CATSPERT: variants seen among roughly 807,000 people sequenced by gnomAD.
CATSPERT encodes catsper channel auxiliary subunit tau, also known as cation channel sperm-associated targeting subunit tau.
chr2:201,515,210 T>G, the CATSPERT span, among the ~76,000 whole-genome samples: 5 of 16,774 alleles, frequency 3.0e-4, no homozygotes, highest in South Asian at 2.9e-3. Context: ...TAGTTTTTTT[T>G]TTTTTTTTTT....
chr2:201,615,400 A>T, the CATSPERT span, among the ~76,000 whole-genome samples: 1 of 152,214 alleles, frequency 6.6e-6, no homozygotes, highest in Non-Finnish European at 1.5e-5. Context: ...GGATTAAGAA[A>T]CTCTCTCAAA....
the CATSPERT span, chr2:201,550,666 G>A: frequency 9.4e-4 from 143 of 152,226 alleles, 1 homozygote; most frequent in African/African-American, 3.3e-3. Context: ...AGTGTAACTT[G>A]TATTAAAGCA....
the CATSPERT span, among the ~76,000 whole-genome samples, chr2:201,598,633 G>C: frequency 6.8e-4 from 103 of 152,114 alleles, no homozygotes; most frequent in Non-Finnish European, 1.3e-4. Flanking sequence ...CCAGGCTGGA[G>C]TGCAGTAGTG....
the CATSPERT span, among the ~76,000 whole-genome samples, chr2:201,594,530 T>A: frequency 6.6e-6 from 1 of 152,220 alleles, no homozygotes; most frequent in Non-Finnish European, 1.5e-5. Context: ...TGGCCTGCCT[T>A]GCTAGATTGG....
the CATSPERT span, among the ~76,000 whole-genome samples, chr2:201,513,682 G>A: frequency 6.6e-6 from 1 of 152,116 alleles, no homozygotes; most frequent in Admixed American, 6.5e-5. Context: ...GTCAACCTAG[G>A]TGCCCATCAA....
the CATSPERT span, among the ~76,000 whole-genome samples, chr2:201,533,409 A>G: frequency 0.61 from 93,269 of 152,044 alleles, 30,387 homozygotes; most frequent in East Asian, 0.95. Flanking sequence ...CTTCAGAATT[A>G]CTATGGTCAA....
chr2:201,503,180 C>G, the CATSPERT span, among the ~76,000 whole-genome samples: 1 of 151,934 alleles, frequency 6.6e-6, no homozygotes, highest in East Asian at 1.9e-4. Flanking sequence ...GGATCTTTTT[C>G]TATTATTTGA....
At chr2:201,581,009 C>T in the CATSPERT span, among the ~76,000 whole-genome samples, 1 of 152,154 alleles carries the variant, frequency 6.6e-6, no homozygotes, top group Non-Finnish European at 1.5e-5. Context: ...TAAGACATTT[C>T]AGAAACATAA....
chr2:201,550,648 C>A, the CATSPERT span: 1 of 152,168 alleles, frequency 6.6e-6, no homozygotes, highest in Non-Finnish European at 1.5e-5. Flanking sequence ...AATCTCTATA[C>A]AATGATTAGT....
At chr2:201,588,354 A>G in the CATSPERT span, among the ~76,000 whole-genome samples, 1 of 151,990 alleles carries the variant, frequency 6.6e-6, no homozygotes, top group Non-Finnish European at 1.5e-5. Flanking sequence ...CAAATCAATA[A>G]ATGTGATCAA....
At chr2:201,546,303 T>C in the CATSPERT span, among the ~76,000 whole-genome samples, 1 of 152,174 alleles carries the variant, frequency 6.6e-6, no homozygotes, top group Admixed American at 6.5e-5. Context: ...TATCCATCCA[T>C]TGAGAGAGCT....
chr2:201,495,927 G>T, the CATSPERT span: 2 of 1,598,948 alleles, frequency 1.3e-6, no homozygotes. Context: ...ATATATTCTG[G>T]TCTGAAAGAT....
At chr2:201,607,214 A>G in the CATSPERT span, among the ~76,000 whole-genome samples, 1 of 152,136 alleles carries the variant, frequency 6.6e-6, no homozygotes, top group African/African-American at 2.4e-5. Flanking sequence ...AGCCAGACCT[A>G]CTGAGTTTAC....
chr2:201,582,023 A>G, the CATSPERT span: 1 of 1,541,702 alleles, frequency 6.5e-7, no homozygotes, highest in Non-Finnish European at 8.7e-7. Flanking sequence ...CATCAAGTAT[A>G]ATAAATCACA....
the CATSPERT span, chr2:201,535,568 A>T: frequency 2.0e-6 from 2 of 1,008,510 alleles, no homozygotes; most frequent in Non-Finnish European, 2.4e-6. Context: ...TTGAATTTAC[A>T]TTTTGTTATT....
At chr2:201,568,418 A>G in the CATSPERT span, among the ~76,000 whole-genome samples, 1 of 152,226 alleles carries the variant, frequency 6.6e-6, no homozygotes, top group African/African-American at 2.4e-5. Context: ...TCACCTTGTC[A>G]GCCAAAAGCA....
chr2:201,545,283 C>T, the CATSPERT span, among the ~76,000 whole-genome samples: 9 of 151,964 alleles, frequency 5.9e-5, no homozygotes, highest in Non-Finnish European at 1.0e-4. Flanking sequence ...ATGATCCACC[C>T]GCCTCGGCCT....
the CATSPERT span, among the ~76,000 whole-genome samples, chr2:201,490,225 A>G: frequency 5.9e-5 from 9 of 152,296 alleles, no homozygotes; most frequent in South Asian, 1.9e-3. Flanking sequence ...ATGATATAGC[A>G]TGGTGGTGAA....
At chr2:201,536,045 TA>T in the CATSPERT span, 177 of 1,613,188 alleles carry the variant, frequency 1.1e-4, no homozygotes, top group Admixed American at 5.0e-4. Flanking sequence ...AGTCTGCTTT[TA>T]AAATGCTTGG....
Sources: allele counts gnomAD v4.1 joint callset (sites outside exome capture counted in the v4.1 genomes callset), GRCh38; gene constraint gnomAD v4.1.1; transcripts MANE v1.5; gene names NCBI Gene and HGNC (gene_info 2026-07-23, HGNC 2026-07-21).